Variants in ALKBH8 observed in about 807,000 individuals in gnomAD.
The protein encoded by ALKBH8 is alkB homolog 8, tRNA methyltransferase.
ALKBH8 carries 36 observed loss-of-function variants against 59.8 expected under a neutral mutation model. The observed-to-expected ratio is 0.60, with a 90% CI of 0.46 to 0.79. ALKBH8 has a LOEUF of 0.79. Among genes scored for constraint, ALKBH8 ranks in the 30% least tolerant of loss-of-function variants. ALKBH8 has a pLI of 0.00. For missense variants in ALKBH8, 768 were observed against 801.0 expected (o/e 0.96, Z 0.50); for synonymous variants, 276 against 273.6 (o/e 1.01, Z -0.09).
rs1744346192 is a variant in ALKBH8 at position 107,553,091 on chromosome 11, T to A, written c.595+17A>T. On this transcript the variant is annotated intron_variant, in intron 5 of 11. Transcript: ENST00000428149. ...TATTTTTGAGCCAGAATTTATTATG[T>A]ATTAGCAATTACTTACCCCCAGATA... The A allele has an allele frequency of 2.7e-6, 4 of 1,472,416 alleles. No individual in the cohort carries two copies. The Admixed American group carries it at 7.7e-5, about 28-fold the overall frequency. 91.2% of individuals were successfully genotyped at this position (1,472,416 alleles called of 1,614,324 possible).
At chr11:107,546,515 TTA>T (rs968572482) in intron 7 of ALKBH8, among the ~76,000 whole-genome samples, 15 of 152,206 alleles carry the variant, frequency 9.9e-5, no homozygotes, top group Admixed American at 2.0e-4. Context: ...TCATCCTCAG[TTA>T]GGGGAGCACT....
intron 7 of ALKBH8, among the ~76,000 whole-genome samples, chr11:107,548,597 A>G (rs1864362429): frequency 6.6e-6 from 1 of 152,226 alleles, no homozygotes; most frequent in Non-Finnish European, 1.5e-5. Flanking sequence ...ATCTACATAC[A>G]TAGTTAATAA....
At chr11:107,528,065 G>A (rs1404091402) in intron 8 of ALKBH8, among the ~76,000 whole-genome samples, 1 of 152,066 alleles carries the variant, frequency 6.6e-6, no homozygotes, top group Non-Finnish European at 1.5e-5. Flanking sequence ...CATCAATCAA[G>A]ATGATTATGC....
chr11:107,550,056 A>G (rs1181386826), intron 6 of ALKBH8, among the ~76,000 whole-genome samples: 1 of 152,238 alleles, frequency 6.6e-6, no homozygotes, highest in African/African-American at 2.4e-5. Flanking sequence ...ATCTAAAATC[A>G]AGGCTCAGGA....
intron 8 of ALKBH8, among the ~76,000 whole-genome samples, chr11:107,526,549 T>C (rs1356701801): frequency 1.3e-5 from 2 of 151,974 alleles, no homozygotes; most frequent in Non-Finnish European, 1.5e-5. Context: ...GTTTTCTCAA[T>C]GGTATCTTTA....
chr11:107,553,147 C>G lies in ALKBH8; in HGVS notation c.556G>C (p.Glu186Gln). 1 of 1,609,704 alleles carries G rather than the reference C, an allele frequency of 6.2e-7. No homozygotes were observed. The highest frequency in any genetic ancestry group is 8.5e-7 in the Non-Finnish European group (1 of 1,178,176). ...TTATCTTTATCTACATTGTTGTTCT[C>G]ATAGTGGAACTCATAACCAAAATGC... ...VKHFGYEFHYENNNVDKDKPL... is the reference protein window; with the variant it reads ...VKHFGYEFHYQNNNVDKDKPL... The change falls in exon 5 of 12, where the codon GAG becomes CAG. Residue 186 changes from glutamate to glutamine, a missense_variant. By Grantham distance (29) the Glu-to-Gln change is conservative. Coordinates refer to ENST00000428149, the MANE Select transcript of ALKBH8 (RefSeq NM_138775.3).
At chr11:107,563,823 C>G (rs1260324738) in intron 1 of ALKBH8, 1 of 152,174 alleles carries the variant, frequency 6.6e-6, no homozygotes, top group East Asian at 1.9e-4. Context: ...GCAGGTGGAG[C>G]CTCATAACCA....
In ALKBH8 at chr11:107,511,306, G is replaced by A. The variant is rs547956715; in HGVS notation, c.1288-270C>T. On this transcript the variant is annotated intron_variant, in intron 10 of 11. Coordinates refer to ENST00000428149, the MANE Select transcript of ALKBH8 (RefSeq NM_138775.3). The stretch of plus-strand genomic sequence containing the variant: ...ATAAAAATGATAGTGGTGGAAATGG[G>A]AGGTCCAAATATACAGCTAATTGAT... Among the ~76,000 whole-genome samples the A allele has an allele frequency of 2.6e-5, 4 of 152,238 alleles. No individual in the cohort carries two copies. The East Asian group carries it at 7.7e-4, about 29-fold the overall frequency.
Position 107,504,839 on chromosome 11 carries a change from C to T in ALKBH8, c.1814G>A (p.Gly605Asp), listed in dbSNP as rs775464941. Residue 605 changes from glycine (G) to aspartate (D), a missense_variant, in exon 12 of 12, where the codon GGC (glycine) becomes GAC (aspartate). By Grantham distance (94) the Gly-to-Asp change is moderately conservative (BLOSUM62 -1). Coordinates refer to ENST00000428149, the MANE Select transcript of ALKBH8 (RefSeq NM_138775.3). The stretch of plus-strand genomic sequence containing the variant: ...GGGACCAAATGGCTCAACAGGTTTG[C>T]CTTTATCAGGATTTCCCTTAAGGTG... ...PWHLKGNPDK[G>D]KPVEPFGPIG... The T allele has an allele frequency of 3.9e-6, 6 of 1,551,700 alleles. No homozygotes were observed. The highest frequency in any genetic ancestry group is 4.4e-6 in the Non-Finnish European group (5 of 1,146,948).
intron 9 of ALKBH8, among the ~76,000 whole-genome samples, chr11:107,524,902 A>G (rs1421354088): frequency 6.6e-6 from 1 of 152,218 alleles, no homozygotes; most frequent in Non-Finnish European, 1.5e-5. Flanking sequence ...AATCCAGAAC[A>G]TGATGTACTT....
chr11:107,525,323 T>C, intron 9 of ALKBH8, 118 bp downstream of exon 9: 1 of 930,790 alleles, frequency 1.1e-6, no homozygotes, highest in Non-Finnish European at 1.5e-6. Context: ...CAAGGCAAAA[T>C]ACAGGAAATG....
At chr11:107,544,389 G>A (rs1173223269) in intron 7 of ALKBH8, among the ~76,000 whole-genome samples, 1 of 152,190 alleles carries the variant, frequency 6.6e-6, no homozygotes, top group Non-Finnish European at 1.5e-5. Context: ...GATAAAGAGT[G>A]CCTGTTAAGA....
intron 10 of ALKBH8, among the ~76,000 whole-genome samples, chr11:107,517,627 G>A (rs1269565426): frequency 1.3e-5 from 2 of 152,160 alleles, no homozygotes; most frequent in Non-Finnish European, 2.9e-5. Flanking sequence ...AGGTAAACCT[G>A]GAGGACATTA....
At position 107,505,073 on chromosome 11, in the gene ALKBH8, T is replaced by C. The variant is rs199521158; in HGVS notation, c.1580A>G (p.Lys527Arg). 301 of 1,551,666 alleles carry C rather than the reference T, an allele frequency of 1.9e-4. No homozygotes were observed. In the African/African-American group the frequency reaches 3.5e-3, roughly 18 times the overall value. ...GGTATCACTGTTCATCTCCTCTTTCTTTCCTTGGCTATTTCTGTTTCCTCT... is the reference window on the plus strand; with the variant it reads ...GGTATCACTGTTCATCTCCTCTTTCCTTCCTTGGCTATTTCTGTTTCCTCT... ...YLRGNRNSQG[K>R]KEEMNSDTSV... The change falls in exon 12 of 12, where the codon AAG becomes AGG. Residue 527 changes from lysine to arginine, a missense_variant. By Grantham distance (26) the Lys-to-Arg change is conservative (BLOSUM62 2). Transcript: ENST00000428149.
chr11:107,512,828 AACATGCT>A, intron 10 of ALKBH8, among the ~76,000 whole-genome samples: 1 of 152,336 alleles, frequency 6.6e-6, no homozygotes, highest in Non-Finnish European at 1.5e-5. Context: ...CTCATATCAA[AACATGCT>A]GGGATAACTG....
chr11:107,513,511 A>G (rs1172964251), intron 10 of ALKBH8, among the ~76,000 whole-genome samples: 1 of 152,232 alleles, frequency 6.6e-6, no homozygotes, highest in East Asian at 1.9e-4. Flanking sequence ...AAAGAGAATT[A>G]CCATTCGACC....
intron 4 of ALKBH8, 70 bp downstream of exon 4, chr11:107,553,777 G>T: frequency 2.7e-6 from 4 of 1,504,240 alleles, no homozygotes; most frequent in Non-Finnish European, 3.6e-6. Context: ...AATAAACCAT[G>T]AAAGACAGAG....
intron 3 of ALKBH8, among the ~76,000 whole-genome samples, chr11:107,555,356 C>A (rs1379562466): frequency 1.3e-5 from 2 of 152,204 alleles, no homozygotes; most frequent in African/African-American, 4.8e-5. Flanking sequence ...CTTAAAAGTA[C>A]ATATGGATCT....
chr11:107,542,553 AT>A (rs1357123814), intron 7 of ALKBH8, among the ~76,000 whole-genome samples: 8 of 152,188 alleles, frequency 5.3e-5, no homozygotes, highest in Non-Finnish European at 1.0e-4. Context: ...AACAGAAAAC[AT>A]GGGATGCAAT....
Sources: gnomAD v4.1 joint callset for allele counts (sites outside exome capture counted in the v4.1 genomes callset) on GRCh38, gnomAD v4.1.1 for gene constraint, MANE v1.5 for transcripts, NCBI Gene and HGNC (gene_info 2026-07-23, HGNC 2026-07-21) for gene names.